Variants in CACNA2D1 observed in about 807,000 individuals in gnomAD.
The protein encoded by CACNA2D1 is voltage-dependent calcium channel subunit alpha-2/delta-1.
CACNA2D1 carries 53 observed loss-of-function variants against 171.5 expected under a neutral mutation model. The ratio of observed to expected loss-of-function variants is 0.31; its 90% CI spans 0.25 to 0.39. The LOEUF (loss-of-function observed/expected upper bound fraction) is 0.39. Ranked by LOEUF, CACNA2D1 falls within the 10% of genes least tolerant of loss-of-function variation. CACNA2D1 has a pLI of 1.00. For synonymous variants in CACNA2D1, 442 were observed against 443.1 expected (o/e 1.00, Z 0.03); for missense variants, 903 against 1,299.8 (o/e 0.69, Z 4.69).
At chr7:82,044,235 C>A (rs77827706) in intron 10 of CACNA2D1, among the ~76,000 whole-genome samples, 1 of 151,966 alleles carries the variant, frequency 6.6e-6, no homozygotes, top group African/African-American at 2.4e-5. Context: ...GACCGTTCTC[C>A]TATGTATGGA....
chr7:82,349,762 C>T (rs1819632890), intron 1 of CACNA2D1, 113 bp from the exon 2 acceptor site: 1 of 850,392 alleles, frequency 1.2e-6, no homozygotes, highest in South Asian at 1.4e-5. Context: ...TTAAATTATT[C>T]CTCTCCCTCC....
At chr7:82,087,320 A>G (rs533135880) in intron 6 of CACNA2D1, among the ~76,000 whole-genome samples, 4 of 152,238 alleles carry the variant, frequency 2.6e-5, no homozygotes, top group Admixed American at 1.3e-4. Context: ...GGAATGCAAA[A>G]TTACTACAGC....
chr7:82,267,016 A>G (rs1374950124), intron 3 of CACNA2D1, among the ~76,000 whole-genome samples: 1 of 152,200 alleles, frequency 6.6e-6, no homozygotes, highest in Admixed American at 6.5e-5. Flanking sequence ...AAAAGTCTCA[A>G]AGATTAATCT....
intron 11 of CACNA2D1, among the ~76,000 whole-genome samples, chr7:82,034,741 T>C (rs1185387351): frequency 6.6e-6 from 1 of 151,968 alleles, no homozygotes; most frequent in Non-Finnish European, 1.5e-5. Context: ...AGGACATGGT[T>C]TTGTTTTTGA....
At chr7:81,954,381 CTG>C (rs947777359) in intron 38 of CACNA2D1, among the ~76,000 whole-genome samples, 39 of 151,996 alleles carry the variant, frequency 2.6e-4, no homozygotes, top group African/African-American at 8.9e-4. Context: ...CCTTAAAAGA[CTG>C]TGTTATTAAA....
At chr7:82,304,558 TGAATGGAACCGGAGATCA>T (rs1411532779) in intron 3 of CACNA2D1, among the ~76,000 whole-genome samples, 1 of 152,136 alleles carries the variant, frequency 6.6e-6, no homozygotes, top group Non-Finnish European at 1.5e-5. Context: ...AGCAGCAATA[TGAATGGAACCGGAGATCA>T]TTACGTTAAG....
At chr7:82,171,536 G>A (rs190095384) in intron 3 of CACNA2D1, among the ~76,000 whole-genome samples, 1 of 152,070 alleles carries the variant, frequency 6.6e-6, no homozygotes, top group African/African-American at 2.4e-5. Context: ...TCTCTCATGT[G>A]AGTAATGTGA....
chr7:82,443,815 T>A, upstream of CACNA2D1: 1 of 631,266 alleles, frequency 1.6e-6, no homozygotes, highest in Admixed American at 5.4e-5. Context: ...TTCCCCCGAT[T>A]GCCGAGGCGA....
chr7:82,336,287 G>A (rs1052105947), intron 2 of CACNA2D1, among the ~76,000 whole-genome samples: 1 of 152,018 alleles, frequency 6.6e-6, no homozygotes, highest in African/African-American at 2.4e-5. Context: ...TGATAACACT[G>A]GTGAATACTG....
Position 82,000,819 on chromosome 7 carries a change from C to T in CACNA2D1, c.1591-3569G>A, listed in dbSNP as rs1483281238. 2.7e-4 allele frequency among the ~76,000 whole-genome samples: 17 copies of T among 63,864 alleles called. No homozygotes were observed. The Admixed American group carries it at 4.2e-3, about 16-fold the overall frequency. 41.9% of individuals were successfully genotyped at this position (63,864 alleles called of 152,430 possible). On this transcript the variant is annotated intron_variant, in intron 18 of 38. Coordinates refer to ENST00000356860, the MANE Select transcript of CACNA2D1 (RefSeq NM_000722.4). ...TTTTTTTTTTTTTTTTTTGTAGAGG[C>T]AGGGTTTCACTATGTTGGCCTGGCT...
At chr7:82,239,204 T>A (rs1264193538) in intron 3 of CACNA2D1, among the ~76,000 whole-genome samples, 1 of 152,058 alleles carries the variant, frequency 6.6e-6, no homozygotes, top group African/African-American at 2.4e-5. Context: ...TATGAATCAG[T>A]ACGCTCATTG....
chr7:82,191,703 G>A (rs2129186099), intron 3 of CACNA2D1, among the ~76,000 whole-genome samples: 1 of 151,820 alleles, frequency 6.6e-6, no homozygotes. Flanking sequence ...TTCCTCTCTT[G>A]TTAGAGGCAT....
intron 6 of CACNA2D1, among the ~76,000 whole-genome samples, chr7:82,114,415 C>A (rs1788788970): frequency 6.6e-6 from 1 of 152,118 alleles, no homozygotes; most frequent in Non-Finnish European, 1.5e-5. Context: ...CTTGTCCAGA[C>A]AATCTGTCTT....
At chr7:82,131,181 T>G (rs1230693104) in intron 5 of CACNA2D1, among the ~76,000 whole-genome samples, 1 of 152,196 alleles carries the variant, frequency 6.6e-6, no homozygotes, top group African/African-American at 2.4e-5. Flanking sequence ...TAACTTAGTA[T>G]GTTAACAAAC....
intron 10 of CACNA2D1, among the ~76,000 whole-genome samples, chr7:82,047,696 A>G (rs1414151503): frequency 2.6e-5 from 4 of 152,142 alleles, no homozygotes; most frequent in African/African-American, 9.7e-5. Flanking sequence ...GTACAGTAAC[A>G]TTAGTACAAA....
intron 1 of CACNA2D1, among the ~76,000 whole-genome samples, chr7:82,351,721 T>A (rs1819869785): frequency 6.6e-6 from 1 of 152,146 alleles, no homozygotes; most frequent in African/African-American, 2.4e-5. Flanking sequence ...TAAGTAAATA[T>A]TCTTAGTAAA....
At chr7:82,002,765 G>A (rs544112413) in intron 18 of CACNA2D1, among the ~76,000 whole-genome samples, 22 of 152,164 alleles carry the variant, frequency 1.4e-4, no homozygotes, top group Middle Eastern at 3.4e-3. Flanking sequence ...ATGTGGTCAT[G>A]CTGGTAAAAG....
At chr7:82,349,521 C>A (rs575654457) in intron 2 of CACNA2D1, 47 bp downstream of exon 2, 8 of 1,400,610 alleles carry the variant, frequency 5.7e-6, no homozygotes, top group Non-Finnish European at 8.1e-6. Flanking sequence ...GAACTGCATT[C>A]GAATTAATGA....
chr7:82,052,519 C>T (rs1014826891), intron 10 of CACNA2D1, among the ~76,000 whole-genome samples: 2 of 152,064 alleles, frequency 1.3e-5, no homozygotes, highest in African/African-American at 2.4e-5. Context: ...CAGAATGTTG[C>T]ATAAGAATCA....
Sources: allele counts gnomAD v4.1 joint callset (sites outside exome capture counted in the v4.1 genomes callset), GRCh38; gene constraint gnomAD v4.1.1; transcripts MANE v1.5; gene names NCBI Gene and HGNC (gene_info 2026-07-23, HGNC 2026-07-21).